The following GABRA3 variants were observed in gnomAD, a reference collection of about 807,000 sequenced individuals.
The protein encoded by GABRA3 is gamma-aminobutyric acid receptor subunit alpha-3.
In GABRA3, 10 loss-of-function variants were observed where a neutral mutation model predicts 30.1. That is an observed-to-expected ratio of 0.33 (90% CI 0.20 to 0.56). GABRA3 has a LOEUF of 0.56. Ranked by LOEUF, GABRA3 falls within the 20% of genes least tolerant of loss-of-function variation. The probability of loss-of-function intolerance (pLI) is 0.89; values close to 1 mark genes in which losing one functional copy is unlikely to be tolerated. For missense variants in GABRA3, 233 were observed against 392.0 expected (o/e 0.59, Z 3.42); for synonymous variants, 151 against 146.8 (o/e 1.03, Z -0.21).
intron 4 of GABRA3, among the ~76,000 whole-genome samples, chrX:152,266,951 AAAG>A (rs1457517989): frequency 9.0e-6 from 1 of 111,649 alleles, no homozygotes; most frequent in African/African-American, 3.3e-5. Context: ...AGAACTACTA[AAAG>A]AAGATCTTCA....
intron 3 of GABRA3, among the ~76,000 whole-genome samples, chrX:152,313,384 G>A (rs1459442019): frequency 9.0e-6 from 1 of 111,472 alleles, no homozygotes; most frequent in East Asian, 2.8e-4. Flanking sequence ...ATTAGTCTGT[G>A]CCTTTATGTT....
intron 1 of GABRA3, among the ~76,000 whole-genome samples, chrX:152,374,694 A>G (rs1928950212): frequency 9.0e-6 from 1 of 111,621 alleles, no homozygotes; most frequent in Non-Finnish European, 1.9e-5. Flanking sequence ...TTTTGTCATG[A>G]AATGTTTGCC....
rs1939235134 is a variant in GABRA3 at position 152,283,555 on chromosome X, A to G, written c.330+1113T>C. On this transcript the variant is annotated intron_variant, in intron 4 of 9. Coordinates refer to ENST00000370314, the MANE Select transcript of GABRA3 (RefSeq NM_000808.4). ...AATCAACGGGCCTAAATCAACTCTC[A>G]GGCTCCAGCCTTTTCCCCTTTGTAC... 4.5e-5 allele frequency among the ~76,000 whole-genome samples: 5 copies of G among 112,060 alleles called. No individual in the cohort carries two copies. The South Asian group carries it at 1.9e-3, about 42-fold the overall frequency.
At chrX:152,386,870 T>C (rs1193656490) in intron 1 of GABRA3, among the ~76,000 whole-genome samples, 2 of 108,280 alleles carry the variant, frequency 1.8e-5, no homozygotes, top group East Asian at 2.9e-4. Context: ...TGGCACTATT[T>C]ACAATAGCAA....
intron 2 of GABRA3, among the ~76,000 whole-genome samples, chrX:152,361,686 G>A (rs370977): frequency 0.024 from 2,580 of 106,451 alleles, 82 homozygotes; most frequent in African/African-American, 0.085. Flanking sequence ...CTCACTGTGT[G>A]GCCATGGCTG....
intron 7 of GABRA3, among the ~76,000 whole-genome samples, chrX:152,201,183 C>T (rs1204292123): frequency 8.9e-6 from 1 of 112,202 alleles, no homozygotes; most frequent in Non-Finnish European, 1.9e-5. Context: ...TTAAACACAA[C>T]TCTGATATTT....
At chrX:152,309,012 G>C (rs1377202120) in intron 3 of GABRA3, among the ~76,000 whole-genome samples, 1 of 112,280 alleles carries the variant, frequency 8.9e-6, no homozygotes, top group African/African-American at 3.2e-5. Context: ...ATTAACAGCA[G>C]AATAGAGAAA....
intron 8 of GABRA3, 37 bp from the exon 9 acceptor site, chrX:152,189,978 A>G (rs1474564077): frequency 1.0e-6 from 1 of 999,604 alleles, no homozygotes; most frequent in African/African-American, 1.9e-5. Context: ...TTGCAACTGG[A>G]AGACATTGAG....
rs747135399 is a variant in GABRA3 at position 152,294,900 on chromosome X, TC to T, written c.263-10166del. ...AACAGTCAGGTCTGTTGGCGTTTGCTCCAACAGCTGCAGGTCTGTTGGAGTT... is the reference window on the plus strand; with the variant it reads ...AACAGTCAGGTCTGTTGGCGTTTGCTCAACAGCTGCAGGTCTGTTGGAGTT... On this transcript the variant is annotated intron_variant, in intron 3 of 9. Coordinates refer to ENST00000370314, the MANE Select transcript of GABRA3 (RefSeq NM_000808.4). Among the ~76,000 whole-genome samples, 8 of 108,782 alleles carry T rather than the reference TC, an allele frequency of 7.4e-5. No homozygotes were observed. In the South Asian group the frequency reaches 2.7e-3, roughly 37 times the overall value. 94.5% of individuals were successfully genotyped at this position (108,782 alleles called of 115,157 possible).
At chrX:152,329,761 TGAA>T in intron 3 of GABRA3, among the ~76,000 whole-genome samples, 1 of 111,465 alleles carries the variant, frequency 9.0e-6, no homozygotes, top group South Asian at 3.7e-4. Context: ...AAAACCTAGG[TGAA>T]ACCATTCAGG....
intron 1 of GABRA3, among the ~76,000 whole-genome samples, chrX:152,381,223 CCAGCCT>C (rs1929136609): frequency 8.9e-6 from 1 of 111,903 alleles, no homozygotes; most frequent in Non-Finnish European, 1.9e-5. Flanking sequence ...TATGAATTAC[CCAGCCT>C]CAGGTATTCC....
intron 3 of GABRA3, among the ~76,000 whole-genome samples, chrX:152,299,960 GA>G (rs1368783838): frequency 8.9e-6 from 1 of 112,219 alleles, no homozygotes; most frequent in African/African-American, 3.2e-5. Context: ...CAAAGAGAGG[GA>G]AAAGGGCTTC....
intron 3 of GABRA3, among the ~76,000 whole-genome samples, chrX:152,289,326 A>T (rs763335045): frequency 9.1e-6 from 1 of 109,554 alleles, no homozygotes; most frequent in African/African-American, 3.3e-5. Flanking sequence ...CACACAACAA[A>T]GTCTGCTTTC....
chrX:152,282,105 G>A (rs936683436), intron 4 of GABRA3, among the ~76,000 whole-genome samples: 2 of 112,069 alleles, frequency 1.8e-5, no homozygotes, highest in Admixed American at 1.9e-4. Context: ...GCCAAGGAAC[G>A]TAATGGATGT....
intron 4 of GABRA3, among the ~76,000 whole-genome samples, chrX:152,275,650 T>C: frequency 9.3e-6 from 1 of 107,309 alleles, no homozygotes; most frequent in Non-Finnish European, 1.9e-5. Context: ...TCCTAGCTAC[T>C]GGGGAGGCTG....
At chrX:152,330,478 A>C (rs973487106) in intron 3 of GABRA3, among the ~76,000 whole-genome samples, 6 of 112,433 alleles carry the variant, frequency 5.3e-5, no homozygotes, top group African/African-American at 9.7e-5. Flanking sequence ...GACTGGATTA[A>C]GAAAATGTGG....
intron 9 of GABRA3, among the ~76,000 whole-genome samples, chrX:152,182,681 T>TAC (rs1937189148): frequency 2.3e-5 from 2 of 88,512 alleles, no homozygotes; most frequent in African/African-American, 4.2e-5. Context: ...ACACTATATA[T>TAC]ACACTATATA....
At chrX:152,308,468 A>G (rs1023438657) in intron 3 of GABRA3, among the ~76,000 whole-genome samples, 18 of 112,194 alleles carry the variant, frequency 1.6e-4, no homozygotes, top group African/African-American at 5.8e-4. Context: ...TTGAGGGGCG[A>G]GACAACAAAG....
chrX:152,251,955 G>C (rs1346734376), intron 5 of GABRA3, among the ~76,000 whole-genome samples: 2 of 110,998 alleles, frequency 1.8e-5, no homozygotes, highest in African/African-American at 6.5e-5. Flanking sequence ...TCTAACTGTA[G>C]ATTTGATATC....
Sources: allele counts gnomAD v4.1 joint callset (sites outside exome capture counted in the v4.1 genomes callset), GRCh38; gene constraint gnomAD v4.1.1; transcripts MANE v1.5; gene names NCBI Gene and HGNC (gene_info 2026-07-23, HGNC 2026-07-21).